The following GALNTL6 variants were observed in gnomAD, a reference collection of about 807,000 sequenced individuals.
GALNTL6 encodes the protein polypeptide N-acetylgalactosaminyltransferase like 6.
In GALNTL6, 46 loss-of-function variants were observed where a neutral mutation model predicts 73.7. That is an observed-to-expected ratio of 0.62 (90% confidence interval 0.49 to 0.80). The LOEUF is 0.80. GALNTL6 is among the 30% of genes least tolerant of loss of function. The pLI, the probability that GALNTL6 is intolerant of heterozygous loss-of-function variation, is 0.00. For synonymous variants in GALNTL6, 259 were observed against 263.7 expected (o/e 0.98, Z 0.17); for missense variants, 604 against 755.0 (o/e 0.80, Z 2.34).
At position 172,348,709 on chromosome 4, in the gene GALNTL6, AT is replaced by A; in HGVS notation, c.553+24del. On this transcript the variant is annotated intron_variant, in intron 5 of 12. Coordinates refer to ENST00000506823, the MANE Select transcript of GALNTL6 (RefSeq NM_001034845.3). ...AGAGAGGTAAGATACAGTTGATAAC[AT>A]TTTATCTGATTCTGCTACCATTCAC... 1 of 1,515,710 alleles carries A rather than the reference AT, an allele frequency of 6.6e-7. No individual in the cohort carries two copies. Among genetic ancestry groups the A allele is most frequent in the Non-Finnish European group, 9.0e-7 (1 of 1,110,094 alleles). The allele number at this position is 1,515,710 out of a possible 1,614,324, so 93.9% of individuals were successfully genotyped here.
chr4:172,261,117 T>C (rs1394647371), intron 3 of GALNTL6, among the ~76,000 whole-genome samples: 1 of 151,456 alleles, frequency 6.6e-6, no homozygotes, highest in Non-Finnish European at 1.5e-5. Context: ...TTGACTTGCT[T>C]CATATAATGA....
At chr4:172,166,611 C>G (rs1309628295) in intron 2 of GALNTL6, among the ~76,000 whole-genome samples, 1 of 152,120 alleles carries the variant, frequency 6.6e-6, no homozygotes, top group Admixed American at 6.6e-5. Context: ...CAATATACAT[C>G]TATTTTGATA....
chr4:172,380,882 AATG>A (rs1359782890), intron 5 of GALNTL6, among the ~76,000 whole-genome samples: 1 of 152,160 alleles, frequency 6.6e-6, no homozygotes, highest in African/African-American at 2.4e-5. Context: ...TTTGCAATAG[AATG>A]ATAATGAGAA....
chr4:172,882,652 A>G, intron 7 of GALNTL6, 138 bp from the exon 8 acceptor site: 1 of 656,690 alleles, frequency 1.5e-6, no homozygotes, highest in Non-Finnish European at 2.8e-6. Context: ...CCCTATATCC[A>G]CTTACAGAAA....
At chr4:171,857,071 A>G (rs1735713062) in intron 2 of GALNTL6, among the ~76,000 whole-genome samples, 1 of 152,176 alleles carries the variant, frequency 6.6e-6, no homozygotes, top group Non-Finnish European at 1.5e-5. Flanking sequence ...AATAAATACA[A>G]GCATGAAAAT....
In GALNTL6 at chr4:172,702,364, A is replaced by G. The variant is rs1734074868; in HGVS notation, c.554-106997A>G. Among the ~76,000 whole-genome samples, 2 of 151,948 alleles carry G rather than the reference A, an allele frequency of 1.3e-5. 1 individual carries two copies. The highest frequency in any genetic ancestry group is 4.8e-5 in the African/African-American group (2 of 41,398). On this transcript the variant is annotated intron_variant, in intron 5 of 12. Coordinates refer to ENST00000506823, the MANE Select transcript of GALNTL6 (RefSeq NM_001034845.3). Reference sequence around the variant, plus strand: ...TATCTCTCACATCTCTTCTCATTCCATCTCATCCTATTTTGCGCTATCTCT... The same window carrying G: ...TATCTCTCACATCTCTTCTCATTCCGTCTCATCCTATTTTGCGCTATCTCT...
chr4:171,837,615 A>T (rs893717168), intron 2 of GALNTL6, among the ~76,000 whole-genome samples: 3 of 147,286 alleles, frequency 2.0e-5, no homozygotes, highest in Non-Finnish European at 3.0e-5. Flanking sequence ...ATAGTAATTG[A>T]TATATAATGT....
intron 5 of GALNTL6, among the ~76,000 whole-genome samples, chr4:172,748,793 C>T (rs939441772): frequency 2.6e-5 from 4 of 152,128 alleles, no homozygotes; most frequent in Non-Finnish European, 4.4e-5. Flanking sequence ...GGTAGATATT[C>T]GAAGTGATGG....
chr4:172,164,800 C>T (rs898259011), intron 2 of GALNTL6, among the ~76,000 whole-genome samples: 2 of 151,812 alleles, frequency 1.3e-5, no homozygotes, highest in South Asian at 2.1e-4. Flanking sequence ...TTCTGTAAAC[C>T]GTAGAGTGTT....
At chr4:172,978,762 C>T (rs549893288) in intron 10 of GALNTL6, among the ~76,000 whole-genome samples, 2 of 152,310 alleles carry the variant, frequency 1.3e-5, no homozygotes, top group African/African-American at 2.4e-5. Flanking sequence ...ACAAATAAGG[C>T]ACAATATGCA....
intron 8 of GALNTL6, among the ~76,000 whole-genome samples, chr4:172,929,482 G>A (rs1371313586): frequency 6.6e-6 from 1 of 152,242 alleles, no homozygotes; most frequent in East Asian, 1.9e-4. Flanking sequence ...TGGTCCACAC[G>A]ATTGTGGAAG....
intron 2 of GALNTL6, among the ~76,000 whole-genome samples, chr4:171,843,033 T>C (rs1179599543): frequency 1.3e-5 from 2 of 152,144 alleles, no homozygotes; most frequent in Non-Finnish European, 2.9e-5. Flanking sequence ...GATCGTGCAC[T>C]TTTTAGACCA....
chr4:172,427,057 C>G (rs1336072668), intron 5 of GALNTL6, among the ~76,000 whole-genome samples: 2 of 151,936 alleles, frequency 1.3e-5, no homozygotes, highest in Non-Finnish European at 2.9e-5. Context: ...CATTCATATT[C>G]TGTAGTTTGA....
At position 172,510,916 on chromosome 4, in the gene GALNTL6, A is replaced by G. The variant is rs1480157616; in HGVS notation, c.553+162227A>G. On this transcript the variant is annotated intron_variant, in intron 5 of 12. Coordinates refer to ENST00000506823, the MANE Select transcript of GALNTL6 (RefSeq NM_001034845.3). ...TGGTCTGTAGTTTTCTTTTTTTGTT[A>G]TGTCTTTTCCTGGTTTTTGTATTAG... Among the ~76,000 whole-genome samples, 8 of 53,000 alleles carry G rather than the reference A, an allele frequency of 1.5e-4. 4 individuals are homozygous for G. Among genetic ancestry groups the G allele is most frequent in the Non-Finnish European group, 3.5e-4 (8 of 23,082 alleles). The allele number at this position is 53,000 out of a possible 152,430, so 34.8% of individuals were successfully genotyped here. A position where few individuals can be genotyped will look rare whatever the true frequency, so the allele number is the denominator to read the frequency against.
chr4:172,080,937 A>C (rs1731861102), intron 2 of GALNTL6, among the ~76,000 whole-genome samples: 1 of 152,262 alleles, frequency 6.6e-6, no homozygotes, highest in South Asian at 2.1e-4. Flanking sequence ...TAGCATACCC[A>C]GTGTTGCCTC....
chr4:172,416,952 G>A (rs549991077), intron 5 of GALNTL6, among the ~76,000 whole-genome samples: 1 of 152,154 alleles, frequency 6.6e-6, no homozygotes, highest in Non-Finnish European at 1.5e-5. Context: ...CTACCATAAA[G>A]GTTTCAGTCC....
chr4:172,340,075 T>TCTTGGGAACAAGATCCTGAAAG (rs1741507474), intron 4 of GALNTL6, among the ~76,000 whole-genome samples: 1 of 152,200 alleles, frequency 6.6e-6, no homozygotes, highest in Non-Finnish European at 1.5e-5. Flanking sequence ...TTGTTCCTGA[T>TCTTGGGAACAAGATCCTGAAAG]CTTAGAGGAA....
chr4:172,348,658 A>T lies in GALNTL6; in HGVS notation c.522A>T (p.Glu174Asp), dbSNP rs1741839163. ...INRTPGSLIA[E>D]IILVDDFSER... ...GAACCCCAGGGAGTCTGATAGCAGA[A>T]ATCATTCTAGTAGATGACTTCAGTG... The change falls in exon 5 of 13, where the codon GAA becomes GAT. Residue 174 changes from glutamate (E) to aspartate (D), a missense_variant. By Grantham distance (45) the Glu-to-Asp change is conservative. Around this residue, in one of 5 missense-constraint regions of GALNTL6, gnomAD observed 179 missense variants for 230.8 expected, o/e 0.78. Coordinates refer to ENST00000506823, the MANE Select transcript of GALNTL6 (RefSeq NM_001034845.3). 6.2e-7 allele frequency: 1 copy of T among 1,611,498 alleles called. No homozygotes were observed. The highest frequency in any genetic ancestry group is 1.3e-5 in the African/African-American group (1 of 74,946).
chr4:171,828,765 G>A (rs1734890257), intron 2 of GALNTL6, among the ~76,000 whole-genome samples: 1 of 152,196 alleles, frequency 6.6e-6, no homozygotes, highest in South Asian at 2.1e-4. Flanking sequence ...TGGGACTACA[G>A]GCACATGCTA....
Sources: gnomAD v4.1 joint callset for allele counts (sites outside exome capture counted in the v4.1 genomes callset) on GRCh38, gnomAD v4.1.1 for gene constraint, gnomAD v4.1.1 regional missense constraint, MANE v1.5 for transcripts, NCBI Gene and HGNC (gene_info 2026-07-23, HGNC 2026-07-21) for gene names.